DENND1C: variants seen among roughly 807,000 people sequenced by gnomAD.
DENND1C encodes DENN domain-containing protein 1C.
Under a neutral mutation model 87.9 loss-of-function variants are expected in DENND1C, and 64 were observed. The observed-to-expected ratio is 0.73, with a 90% CI of 0.60 to 0.90. The LOEUF (loss-of-function observed/expected upper bound fraction) is 0.90, where lower values mean the gene tolerates loss of function less well. Among genes scored for constraint, DENND1C ranks in the 40% least tolerant of loss-of-function variants. DENND1C has a pLI of 0.00. For missense variants in DENND1C, 980 were observed against 1,037.0 expected (o/e 0.95, Z 0.76); for synonymous variants, 384 against 424.4 (o/e 0.90, Z 1.17).
Position 6,471,325 on chromosome 19 carries a change from T to C in DENND1C, c.1250-20A>G. ...GGGCCCCTGGGGTAAGGAGAGAGTG[T>C]GGTGGTCACCGAAGGCTGGCTGAGG... On this transcript the variant is annotated intron_variant, in intron 16 of 22. Transcript: ENST00000381480. 1.3e-6 allele frequency: 2 copies of C among 1,596,648 alleles called. No homozygotes were observed. The highest frequency in any genetic ancestry group is 2.7e-5 in the African/African-American group (2 of 74,736).
In DENND1C at chr19:6,475,523, C is replaced by T. The variant is rs1284035388; in HGVS notation, c.888G>A (p.Glu296=). ...VVLNVDANTL[E]TTFNDVQALP... ...GCGCCTGCACGTCGTTAAAGGTCGT[C>T]TCCAAGGTATTGGCGTCCACGTTCA... Residue 296 remains glutamate, a synonymous_variant, in exon 13 of 23, where the codon GAG becomes GAA. Coordinates refer to ENST00000381480, the MANE Select transcript of DENND1C (RefSeq NM_024898.4). 5 of 1,613,838 alleles carry T rather than the reference C, an allele frequency of 3.1e-6. No homozygotes were observed. The African/African-American group carries it at 4.0e-5, about 13-fold the overall frequency.
Position 6,468,033 on chromosome 19 carries a change from G to A in DENND1C, c.1877C>T (p.Ala626Val), listed in dbSNP as rs758071214. ...AGAGCTGGTGGCATCCAAAGACGAG[G>A]CATTTTGCAGGGATGGCAGGGAAAG... ...QPLSLPSLQNASSLDATSSSK... is the reference protein window; with the variant it reads ...QPLSLPSLQNVSSLDATSSSK... Residue 626 changes from alanine to valine, a missense_variant, in exon 23 of 23, where the codon GCC (alanine) becomes GTC (valine). Transcript: ENST00000381480. 1 of 1,613,946 alleles carries A rather than the reference G, an allele frequency of 6.2e-7. No homozygotes were observed. Among genetic ancestry groups the A allele is most frequent in the Non-Finnish European group, 8.5e-7 (1 of 1,179,872 alleles).
intron 14 of DENND1C, among the ~76,000 whole-genome samples, chr19:6,473,496 G>T (rs1215655398): frequency 2.1e-5 from 3 of 144,578 alleles, no homozygotes; most frequent in Non-Finnish European, 4.5e-5. Context: ...TTTGAGTCAG[G>T]GTCTCACTCT....
At chr19:6,477,538 G>A (rs2092869820) in intron 6 of DENND1C, 80 bp from the exon 7 acceptor site, 1 of 1,382,312 alleles carries the variant, frequency 7.2e-7, no homozygotes, top group Non-Finnish European at 1.0e-6. Context: ...CTAAGGTTGA[G>A]TGGTCTGGGA....
rs776628234 is a variant in DENND1C, at chr19:6,475,446, G to A, written c.927+38C>T. 5 of 1,613,286 alleles carry A rather than the reference G, an allele frequency of 3.1e-6. No individual in the cohort carries two copies. In the African/African-American group the frequency reaches 4.0e-5, roughly 13 times the overall value. On this transcript the variant is annotated intron_variant, in intron 13 of 22. Transcript: ENST00000381480. Reference sequence around the variant, plus strand: ...CTGAGTGGGCAGGTGTGGGCCCCTCGCCTCCCGGGGCAGGAAGGTGGGAGG... The same window carrying A: ...CTGAGTGGGCAGGTGTGGGCCCCTCACCTCCCGGGGCAGGAAGGTGGGAGG...
chr19:6,471,132 G>C (rs995734739), intron 17 of DENND1C, 133 bp downstream of exon 17: 4 of 1,253,116 alleles, frequency 3.2e-6, no homozygotes, highest in East Asian at 2.5e-5. Flanking sequence ...TTTCAGTAGA[G>C]ATGGGGTTTC....
chr19:6,477,427 A>T lies in DENND1C; in HGVS notation c.398T>A (p.Leu133Gln). The change falls in exon 7 of 23, where the codon CTG (leucine) becomes CAG (glutamine). Residue 133 changes from leucine (L) to glutamine (Q), a missense_variant. Physicochemically the swap from Leu to Gln is moderately radical, Grantham distance 113. Coordinates refer to ENST00000381480, the MANE Select transcript of DENND1C (RefSeq NM_024898.4). ...GGGCCCAGACAGGGACTGCTGAAAC[A>T]GATTTTGAAGAAGTTCCTCTGCCTC... is the stretch of plus-strand genomic sequence containing the variant. ...VTEAEELLQN[L>Q]FQQSLSGPQA... is the part of the protein sequence containing the mutation. 5 of 1,610,796 alleles carry T rather than the reference A, an allele frequency of 3.1e-6. No individual in the cohort carries two copies. Among genetic ancestry groups the T allele is most frequent in the Non-Finnish European group, 4.2e-6 (5 of 1,178,440 alleles).
At chr19:6,480,510 C>T (rs945218141) in intron 1 of DENND1C, 2 of 967,412 alleles carry the variant, frequency 2.1e-6, no homozygotes, top group Non-Finnish European at 2.5e-6. Flanking sequence ...CTCTGTCTAT[C>T]CATCCATCCA....
chr19:6,471,862 C>T (rs553590934), intron 15 of DENND1C, among the ~76,000 whole-genome samples: 4 of 152,248 alleles, frequency 2.6e-5, no homozygotes, highest in South Asian at 2.1e-4. Context: ...AGGCTGGTTT[C>T]GAACTCCTGA....
intron 10 of DENND1C, chr19:6,476,257 G>C: frequency 2.9e-6 from 1 of 346,172 alleles, no homozygotes; most frequent in South Asian, 4.4e-5. Context: ...CCCGAAAGAG[G>C]TGGAGCTATG....
intron 4 of DENND1C, among the ~76,000 whole-genome samples, chr19:6,479,412 T>C (rs184047320): frequency 3.1e-4 from 38 of 124,442 alleles, no homozygotes; most frequent in African/African-American, 1.5e-3. Flanking sequence ...CCCTGAGTCC[T>C]TGAGTCTCTG....
chr19:6,479,554 C>T, intron 4 of DENND1C, 115 bp downstream of exon 4: 1 of 1,343,780 alleles, frequency 7.4e-7, no homozygotes, highest in Non-Finnish European at 1.1e-6. Context: ...GTCTCTGAGT[C>T]TCAGGGTCCT....
At position 6,470,339 on chromosome 19, in the gene DENND1C, C is replaced by G; in HGVS notation, c.1318G>C (p.Val440Leu). ...KKGGGALLHSVKAKTQPAVKN... is the reference protein window; with the variant it reads ...KKGGGALLHSLKAKTQPAVKN... ...ACGGCTGGTTGGGTCTTGGCCTTGA[C>G]TGAGTGCAGGAGGGCGCCACCACCT... Residue 440 changes from valine to leucine, a missense_variant, in exon 18 of 23, where the codon GTC (valine) becomes CTC (leucine). Coordinates refer to ENST00000381480, the MANE Select transcript of DENND1C (RefSeq NM_024898.4). 6.2e-7 allele frequency: 1 copy of G among 1,612,922 alleles called. No individual in the cohort carries two copies. Among genetic ancestry groups the G allele is most frequent in the Non-Finnish European group, 8.5e-7 (1 of 1,179,538 alleles).
At position 6,468,929 on chromosome 19, in the gene DENND1C, C is replaced by G. The variant is rs775041449; in HGVS notation, c.1432G>C (p.Gly478Arg). 17 of 1,466,592 alleles carry G rather than the reference C, an allele frequency of 1.2e-5. No individual in the cohort carries two copies. Among genetic ancestry groups the G allele is most frequent in the Admixed American group, 7.8e-5 (3 of 38,384 alleles). The allele number at this position is 1,466,592 out of a possible 1,614,324, so 90.8% of individuals were successfully genotyped here. Residue 478 changes from glycine to arginine, a missense_variant, in exon 20 of 23, where the codon GGG (glycine) becomes CGG (arginine). By Grantham distance (125) the Gly-to-Arg change is moderately radical. Transcript: ENST00000381480. ...YKDGDSVLQR[G>R]GSLRAPALPS... ...AGGGCTGGGGCCCTCAGAGAGCCCC[C>G]CCTCTGCAGGACAGAGTCCCCATCC...
intron 21 of DENND1C, 67 bp from the exon 22 acceptor site, chr19:6,468,508 G>A: frequency 6.4e-7 from 1 of 1,565,144 alleles, no homozygotes; most frequent in Non-Finnish European, 8.7e-7. Context: ...CTGCTCTGGA[G>A]TTTGGGAACC....
chr19:6,477,346 G>A, intron 7 of DENND1C, 32 bp downstream of exon 7: 2 of 1,612,358 alleles, frequency 1.2e-6, no homozygotes, highest in Non-Finnish European at 1.7e-6. Context: ...ATCCACCTAA[G>A]GTCCAGCGCC....
chr19:6,470,975 G>C (rs1303843727), intron 17 of DENND1C, among the ~76,000 whole-genome samples: 1 of 151,870 alleles, frequency 6.6e-6, no homozygotes, highest in Non-Finnish European at 1.5e-5. Context: ...TGGTTTTTGA[G>C]ACAGGGTCTT....
rs1201992224 is a variant in DENND1C, at chr19:6,473,455, GGTTTT to G, written c.1054-467_1054-463del. 5.9e-4 allele frequency among the ~76,000 whole-genome samples: 80 copies of G among 135,560 alleles called. 1 individual carries two copies. Among genetic ancestry groups the G allele is most frequent in the Middle Eastern group, 7.9e-3 (2 of 254 alleles). 88.9% of individuals were successfully genotyped at this position (135,560 alleles called of 152,430 possible). On this transcript the variant is annotated intron_variant, in intron 14 of 22. Transcript: ENST00000381480. ...GGTGTGAGCCACCGCGCCCAGCCCT[GGTTTT>G]TTTTTTTTTTTTTTTCATTTCTTTT...
intron 1 of DENND1C, among the ~76,000 whole-genome samples, chr19:6,481,212 A>G (rs1307425636): frequency 1.3e-5 from 2 of 151,670 alleles, no homozygotes; most frequent in Non-Finnish European, 2.9e-5. Context: ...GGAGATCTAG[A>G]GGGAGATCAG....
Sources: allele counts gnomAD v4.1 joint callset (sites outside exome capture counted in the v4.1 genomes callset), GRCh38; gene constraint gnomAD v4.1.1; transcripts MANE v1.5; gene names NCBI Gene and HGNC (gene_info 2026-07-23, HGNC 2026-07-21).